The following SLC25A48 variants were observed in gnomAD, a reference collection of about 807,000 sequenced individuals.
The protein encoded by SLC25A48 is CTC-321K16.1.
Under a neutral mutation model 32.2 loss-of-function variants are expected in SLC25A48, and 29 were observed. The observed-to-expected ratio is 0.90, with a 90% CI of 0.67 to 1.23. The LOEUF (loss-of-function observed/expected upper bound fraction) is 1.23. Among genes scored for constraint, SLC25A48 ranks in the 50% most tolerant of loss-of-function variants. The pLI, the probability that SLC25A48 is intolerant of heterozygous loss-of-function variation, is 0.00. For synonymous variants in SLC25A48, 164 were observed against 172.3 expected, an observed-to-expected ratio of 0.95 and a Z score of 0.38; for missense variants, 399 against 422.7, an observed-to-expected ratio of 0.94 and a Z score of 0.49.
intron 7 of SLC25A48, among the ~76,000 whole-genome samples, chr5:135,880,948 C>A (rs988887189): frequency 2.6e-5 from 4 of 152,044 alleles, no homozygotes; most frequent in African/African-American, 9.7e-5. Flanking sequence ...CCCACCCCCA[C>A]CCACACTGCA....
chr5:135,793,294 C>T (rs1477750314), intron 3 of SLC25A48, among the ~76,000 whole-genome samples: 1 of 150,814 alleles, frequency 6.6e-6, no homozygotes, highest in African/African-American at 2.4e-5. Flanking sequence ...CCACCTGGAA[C>T]ATTATTCTTA....
chr5:135,789,631 G>C (rs1161705615), intron 3 of SLC25A48, among the ~76,000 whole-genome samples: 1 of 151,314 alleles, frequency 6.6e-6, no homozygotes, highest in Non-Finnish European at 1.5e-5. Context: ...TGTGGCGGGG[G>C]GTGTACAGCC....
chr5:135,614,459 C>T (rs886925493), intron 1 of SLC25A48, among the ~76,000 whole-genome samples: 6 of 152,208 alleles, frequency 3.9e-5, no homozygotes, highest in East Asian at 1.9e-4. Context: ...GTGTTGAATA[C>T]GAGTGGCAAA....
In SLC25A48 at chr5:135,834,754, C is replaced by T. The variant is rs1758353566; in HGVS notation, c.-94C>T. 5 of 1,349,292 alleles carry T rather than the reference C, an allele frequency of 3.7e-6. No individual in the cohort carries two copies. The South Asian group carries it at 5.9e-5, about 16-fold the overall frequency. 83.6% of individuals were successfully genotyped at this position (1,349,292 alleles called of 1,614,324 possible). ...TGCGGCGTGCTCGAGACTCCGACTTCGGTCTTGCGGCGCGCTCGCGCCCGC... is the reference window on the plus strand; with the variant it reads ...TGCGGCGTGCTCGAGACTCCGACTTTGGTCTTGCGGCGCGCTCGCGCCCGC... On this transcript the variant is annotated 5_prime_UTR_variant, in exon 1 of 8. Transcript: ENST00000681962.
chr5:135,616,754 T>C (rs2126895475), intron 1 of SLC25A48, among the ~76,000 whole-genome samples: 1 of 152,252 alleles, frequency 6.6e-6, no homozygotes, highest in East Asian at 1.9e-4. Context: ...GAGGAGAACA[T>C]GAGATTTGGG....
chr5:135,579,396 G>A (rs1020295703), exon 1 of SLC25A48: 1 of 152,920 alleles, frequency 6.5e-6, no homozygotes, highest in African/African-American at 2.4e-5. Flanking sequence ...TTTCCGAGCC[G>A]GCGGGAGACC....
chr5:135,808,389 GGAT>G lies in SLC25A48; in HGVS notation c.-520-4130_-520-4128del, dbSNP rs1488093198. Among the ~76,000 whole-genome samples, 35 of 151,916 alleles carry G rather than the reference GGAT, an allele frequency of 2.3e-4. 1 individual carries two copies. The highest frequency in any genetic ancestry group is 7.4e-5 in the Non-Finnish European group (5 of 67,974). On this transcript the variant is annotated intron_variant, in intron 3 of 10. Transcript: ENST00000646290. ...ATCTGGGGAGGCTACAAGAAGCCAAGGATGATAAGAAACCCTAAATTTCACTTT... is the reference window on the plus strand; with the variant it reads ...ATCTGGGGAGGCTACAAGAAGCCAAGGATAAGAAACCCTAAATTTCACTTT...
intron 3 of SLC25A48, among the ~76,000 whole-genome samples, chr5:135,758,960 AAAT>A (rs1197070275): frequency 2.6e-4 from 39 of 151,564 alleles, no homozygotes; most frequent in African/African-American, 9.4e-4. Flanking sequence ...TTTATGCTAT[AAAT>A]AATATCAAGC....
chr5:135,682,821 A>T (rs947988550), intron 3 of SLC25A48, among the ~76,000 whole-genome samples: 6 of 152,218 alleles, frequency 3.9e-5, no homozygotes, highest in African/African-American at 1.2e-4. Context: ...TGTCAAAATG[A>T]TACCTTATAC....
At chr5:135,790,774 A>G (rs918010971) in intron 3 of SLC25A48, among the ~76,000 whole-genome samples, 6 of 148,586 alleles carry the variant, frequency 4.0e-5, no homozygotes, top group Middle Eastern at 3.4e-3. Context: ...TACACCATGT[A>G]TGTACACCCT....
At chr5:135,597,328 T>A (rs1347144293) in intron 1 of SLC25A48, among the ~76,000 whole-genome samples, 4 of 152,174 alleles carry the variant, frequency 2.6e-5, no homozygotes, top group Non-Finnish European at 5.9e-5. Flanking sequence ...GGGTGGCCAC[T>A]GATGGGCCTC....
In SLC25A48 at chr5:135,668,251, C is replaced by G. The variant is rs79254877; in HGVS notation, c.-521+33295C>G. 0.01 allele frequency among the ~76,000 whole-genome samples: 1,553 copies of G among 152,270 alleles called. 62 individuals are homozygous for G. The East Asian group carries it at 0.11, about 11-fold the overall frequency. ...GACCAAATGATCAAAACTCAGGATC[C>G]TATAAGCTGAGAAGTTTAAGACTTA... On this transcript the variant is annotated intron_variant, in intron 3 of 10. Coordinates refer to the SLC25A48 transcript ENST00000646290.
At chr5:135,833,947 T>C (rs1758309374), upstream of SLC25A48, among the ~76,000 whole-genome samples, 1 of 152,212 alleles carries the variant, frequency 6.6e-6, no homozygotes, top group South Asian at 2.1e-4. Context: ...CCCTTCACCA[T>C]TCTTGTCAAC....
chr5:135,815,504 G>A (rs1166746027), intron 4 of SLC25A48, among the ~76,000 whole-genome samples: 1 of 152,196 alleles, frequency 6.6e-6, no homozygotes, highest in African/African-American at 2.4e-5. Flanking sequence ...GGCACCAAAA[G>A]CTGCTTGCAG....
intron 4 of SLC25A48, among the ~76,000 whole-genome samples, chr5:135,825,330 T>C (rs1758009342): frequency 6.6e-6 from 1 of 152,210 alleles, no homozygotes; most frequent in African/African-American, 2.4e-5. Context: ...AGCTAGCAAG[T>C]AGCAAACCTG....
chr5:135,885,622 C>T (rs1221205524), intron 7 of SLC25A48, among the ~76,000 whole-genome samples: 2 of 152,196 alleles, frequency 1.3e-5, no homozygotes, highest in African/African-American at 4.8e-5. Context: ...CTGGCCTGTG[C>T]CCCCCTTCAG....
intron 3 of SLC25A48, among the ~76,000 whole-genome samples, chr5:135,809,038 A>G (rs759092997): frequency 3.3e-5 from 5 of 152,078 alleles, no homozygotes; most frequent in Non-Finnish European, 7.4e-5. Flanking sequence ...GGGGGGGCTC[A>G]TGCCTGTCAT....
At chr5:135,586,290 G>A (rs1751364782) in intron 1 of SLC25A48, among the ~76,000 whole-genome samples, 1 of 152,210 alleles carries the variant, frequency 6.6e-6, no homozygotes, top group Admixed American at 6.5e-5. Flanking sequence ...CTGGTCCTCA[G>A]TTCTTCTCCC....
Position 135,888,283 on chromosome 5 carries a change from T to C in SLC25A48, c.*259T>C, listed in dbSNP as rs1249878856. The C allele has an allele frequency of 3.9e-6, 2 of 509,138 alleles. No homozygotes were observed. The highest frequency in any genetic ancestry group is 7.0e-6 in the Non-Finnish European group (2 of 285,654). 31.5% of individuals were successfully genotyped at this position (509,138 alleles called of 1,614,324 possible). A position where few individuals can be genotyped will look rare whatever the true frequency, so the allele number is the denominator to read the frequency against. ...TGGCATCAAAGAGCTTTCCAAGAAA[T>C]GTTTGGTCCAGCTGAGAAGTCCTGA... On this transcript the variant is annotated 3_prime_UTR_variant, in exon 8 of 8. Transcript: ENST00000681962.
Sources: gnomAD v4.1 joint callset for allele counts (sites outside exome capture counted in the v4.1 genomes callset) on GRCh38, gnomAD v4.1.1 for gene constraint, MANE v1.5 for transcripts, NCBI Gene and HGNC (gene_info 2026-07-23, HGNC 2026-07-21) for gene names.